The following SLC1A7 variants were observed in gnomAD, a reference collection of about 807,000 sequenced individuals.
SLC1A7 encodes solute carrier family 1 member 7, also known as excitatory amino acid transporter 5.
In SLC1A7, 40 loss-of-function variants were observed where a neutral mutation model predicts 47.7. The ratio of observed to expected loss-of-function variants is 0.84; its 90% CI spans 0.65 to 1.09. The LOEUF (loss-of-function observed/expected upper bound fraction) is 1.09. SLC1A7 is among the 50% of genes least tolerant of loss of function. SLC1A7 has a pLI of 0.00. For synonymous variants in SLC1A7, 323 were observed against 325.6 expected (o/e 0.99, Z 0.09); for missense variants, 746 against 769.5 (o/e 0.97, Z 0.36).
At chr1:53,109,179 A>T (rs561912930) in intron 3 of SLC1A7, among the ~76,000 whole-genome samples, 1 of 152,108 alleles carries the variant, frequency 6.6e-6, no homozygotes, top group Admixed American at 6.5e-5. Context: ...TCTCACCGAG[A>T]TGCTTCCAAA....
chr1:53,117,758 G>A (rs915506842), intron 2 of SLC1A7, among the ~76,000 whole-genome samples: 6 of 152,350 alleles, frequency 3.9e-5, no homozygotes, highest in East Asian at 1.9e-4. Context: ...CACCGGGGAC[G>A]AAGAGGCCTA....
At chr1:53,142,143 A>G (rs1645064372) in intron 1 of SLC1A7, among the ~76,000 whole-genome samples, 172 bp downstream of exon 1, 1 of 152,176 alleles carries the variant, frequency 6.6e-6, no homozygotes. Context: ...CTAGTCCTGC[A>G]AAGTGTTTAT....
chr1:53,106,715 G>A (rs904299840), intron 3 of SLC1A7, among the ~76,000 whole-genome samples: 1 of 152,156 alleles, frequency 6.6e-6, no homozygotes, highest in African/African-American at 2.4e-5. Flanking sequence ...TTTCGTACTT[G>A]ATAAAAGTTG....
intron 3 of SLC1A7, among the ~76,000 whole-genome samples, chr1:53,109,571 G>A (rs1013278580): frequency 2.0e-5 from 3 of 152,138 alleles, no homozygotes; most frequent in African/African-American, 7.2e-5. Context: ...TGTGCCTTAT[G>A]TCCCCACGCA....
At chr1:53,119,914 C>T (rs899973208) in intron 2 of SLC1A7, among the ~76,000 whole-genome samples, 2 of 151,948 alleles carry the variant, frequency 1.3e-5, no homozygotes, top group African/African-American at 4.8e-5. Context: ...AACCACCTCT[C>T]TCCCACACCA....
At chr1:53,104,676 G>A (rs61339978) in intron 4 of SLC1A7, among the ~76,000 whole-genome samples, 1,751 of 152,276 alleles carry the variant, frequency 0.011, 41 homozygotes, top group African/African-American at 0.04. Flanking sequence ...GAGACGCGGC[G>A]ATATGCCAAA....
chr1:53,107,973 C>T (rs1410660853), intron 3 of SLC1A7: 1 of 152,258 alleles, frequency 6.6e-6, no homozygotes, highest in Non-Finnish European at 1.5e-5. Context: ...AAGATATTTC[C>T]ACCTGTCAAA....
chr1:53,129,526 G>GT (rs1553164864), intron 2 of SLC1A7, among the ~76,000 whole-genome samples: 1 of 104,382 alleles, frequency 9.6e-6, no homozygotes, highest in African/African-American at 3.6e-5. Context: ...ACATGTCTGA[G>GT]GAGGGACTTG....
intron 5 of SLC1A7, among the ~76,000 whole-genome samples, chr1:53,099,150 G>A (rs867587977): frequency 3.4e-4 from 25 of 73,196 alleles, no homozygotes; most frequent in Admixed American, 1.4e-3. Context: ...GACACACGCT[G>A]CCTCGGTACA....
At chr1:53,121,101 ACTGT>A (rs1475625650) in intron 2 of SLC1A7, among the ~76,000 whole-genome samples, 16 of 152,206 alleles carry the variant, frequency 1.1e-4, no homozygotes, top group Admixed American at 8.5e-4. Context: ...CTCTGTCTTC[ACTGT>A]CTGTCTGTGA....
chr1:53,117,236 C>G (rs149034764), intron 2 of SLC1A7, among the ~76,000 whole-genome samples: 2 of 152,160 alleles, frequency 1.3e-5, no homozygotes, highest in East Asian at 3.9e-4. Context: ...CGATGTGGCC[C>G]GAGCTCAGGT....
At chr1:53,096,159 C>T (rs537940015) in intron 5 of SLC1A7, among the ~76,000 whole-genome samples, 1 of 151,152 alleles carries the variant, frequency 6.6e-6, no homozygotes, top group Non-Finnish European at 1.5e-5. Context: ...GGTACACTCA[C>T]ACACACCACC....
intron 1 of SLC1A7, among the ~76,000 whole-genome samples, chr1:53,138,627 C>G (rs1256022845): frequency 1.3e-5 from 2 of 151,764 alleles, no homozygotes; most frequent in African/African-American, 4.8e-5. Context: ...CTTGGCCTCC[C>G]AAAGTGCTAG....
chr1:53,089,979 G>T, intron 8 of SLC1A7, 45 bp from the exon 9 acceptor site: 1 of 1,607,620 alleles, frequency 6.2e-7, no homozygotes, highest in Non-Finnish European at 8.5e-7. Context: ...GAGGGGCAGG[G>T]TGCATTGTCA....
chr1:53,115,116 G>GCTC, intron 2 of SLC1A7, 143 bp from the exon 3 acceptor site: 1 of 658,796 alleles, frequency 1.5e-6, no homozygotes, highest in South Asian at 1.8e-5. Context: ...CCAGTCCTGT[G>GCTC]CTCCTTCCAG....
chr1:53,112,836 T>C (rs1016099622), intron 3 of SLC1A7, among the ~76,000 whole-genome samples: 5 of 152,254 alleles, frequency 3.3e-5, no homozygotes, highest in Non-Finnish European at 7.4e-5. Flanking sequence ...ATAAATTGCC[T>C]GAGTCCAGGG....
chr1:53,108,344 T>C (rs1033069417), intron 3 of SLC1A7: 4 of 559,364 alleles, frequency 7.2e-6, no homozygotes, highest in African/African-American at 3.8e-5. Flanking sequence ...TATACCTATA[T>C]AGACATTTCT....
intron 9 of SLC1A7, 134 bp from the exon 10 acceptor site, chr1:53,089,113 G>A: frequency 1.4e-6 from 1 of 721,162 alleles, no homozygotes; most frequent in Non-Finnish European, 2.5e-6. Flanking sequence ...TGGCTTCCTG[G>A]CTCCTCCCAA....
intron 2 of SLC1A7, among the ~76,000 whole-genome samples, chr1:53,117,422 G>A (rs1420829946): frequency 1.3e-5 from 2 of 152,192 alleles, no homozygotes; most frequent in Admixed American, 1.3e-4. Context: ...TACACATGGT[G>A]TACTGGGAGG....
Sources: gnomAD v4.1 joint callset for allele counts (sites outside exome capture counted in the v4.1 genomes callset) on GRCh38, gnomAD v4.1.1 for gene constraint, MANE v1.5 for transcripts, NCBI Gene and HGNC (gene_info 2026-07-23, HGNC 2026-07-21) for gene names.